The following CDC42BPA variants were observed in gnomAD, a reference collection of about 807,000 sequenced individuals.
CDC42BPA encodes serine/threonine-protein kinase MRCK alpha.
CDC42BPA carries 80 observed loss-of-function variants against 223.5 expected under a neutral mutation model. The observed-to-expected ratio is 0.36, with a 90% CI of 0.30 to 0.43. CDC42BPA has a LOEUF of 0.43. Ranked by LOEUF, CDC42BPA falls within the 20% of genes least tolerant of loss-of-function variation. The probability of loss-of-function intolerance (pLI) is 1.00; values close to 1 mark genes in which losing one functional copy is unlikely to be tolerated. For missense variants in CDC42BPA, 1,743 were observed against 2,099.9 expected (o/e 0.83, Z 3.32); for synonymous variants, 694 against 718.6 (o/e 0.97, Z 0.55).
chr1:227,272,690 G>A (rs1258341074), intron 1 of CDC42BPA, among the ~76,000 whole-genome samples: 2 of 152,126 alleles, frequency 1.3e-5, no homozygotes, highest in African/African-American at 4.8e-5. Context: ...CTAATAGCTA[G>A]TATTACAGAT....
Position 227,030,448 on chromosome 1 carries a change from TCC to T in CDC42BPA, c.3796_3797del (p.Gly1266LysfsTer14). The T allele has an allele frequency of 6.2e-7, 1 of 1,602,586 alleles. No homozygotes were observed. The highest frequency in any genetic ancestry group is 8.5e-7 in the Non-Finnish European group (1 of 1,175,026). On this transcript the variant is annotated frameshift_variant, in exon 29 of 37. Coordinates refer to ENST00000366766, the MANE Select transcript of CDC42BPA (RefSeq NM_001394014.1). LOFTEE classifies it high-confidence loss of function. ...AIIDHERIAL[G>X]NEEGLFVVHV... ...GTACAACAAATAACCCTTCTTCGTT[TCC>T]CAAAGCAATTCTTTCATGATCTATG...
At chr1:227,083,652 A>G (rs1157817407) in intron 16 of CDC42BPA, among the ~76,000 whole-genome samples, 13 of 152,292 alleles carry the variant, frequency 8.5e-5, no homozygotes, top group Admixed American at 3.9e-4. Context: ...TCGTGTATAC[A>G]AACTTTAGAT....
At chr1:227,312,463 G>A (rs1472998489) in intron 1 of CDC42BPA, among the ~76,000 whole-genome samples, 2 of 152,080 alleles carry the variant, frequency 1.3e-5, no homozygotes, top group East Asian at 3.8e-4. Context: ...GCTATACTAA[G>A]GTATGCCTTA....
At chr1:227,257,033 G>T (rs1683197205) in intron 1 of CDC42BPA, among the ~76,000 whole-genome samples, 1 of 150,640 alleles carries the variant, frequency 6.6e-6, no homozygotes, top group Non-Finnish European at 1.5e-5. Context: ...GGTCTGATAC[G>T]TGCTATAATG....
At chr1:227,001,009 G>T (rs1662709479) in intron 35 of CDC42BPA, among the ~76,000 whole-genome samples, 1 of 152,142 alleles carries the variant, frequency 6.6e-6, no homozygotes, top group Non-Finnish European at 1.5e-5. Context: ...CTTCCAGGAG[G>T]GTCTGGGAGG....
At chr1:227,143,223 A>G (rs1309869611) in intron 8 of CDC42BPA, among the ~76,000 whole-genome samples, 199 bp from the exon 9 acceptor site, 1 of 152,220 alleles carries the variant, frequency 6.6e-6, no homozygotes, top group African/African-American at 2.4e-5. Context: ...TTCTAATTAA[A>G]GTAAAATGAA....
chr1:227,064,514 T>C (rs1406007395), intron 21 of CDC42BPA, among the ~76,000 whole-genome samples: 1 of 152,032 alleles, frequency 6.6e-6, no homozygotes, highest in Non-Finnish European at 1.5e-5. Context: ...TCTGTTACTA[T>C]TGGGATGAAG....
chr1:227,310,685 T>C (rs182969187), intron 1 of CDC42BPA, among the ~76,000 whole-genome samples: 1 of 138,052 alleles, frequency 7.2e-6, no homozygotes, highest in Admixed American at 7.4e-5. Flanking sequence ...TTTTTTTTTT[T>C]GTTTTTTGTT....
intron 5 of CDC42BPA, among the ~76,000 whole-genome samples, chr1:227,163,731 TAA>T (rs11314121): frequency 1.0e-3 from 145 of 140,438 alleles, no homozygotes; most frequent in Non-Finnish European, 1.3e-3. Context: ...TTCTTATTTG[TAA>T]AAAAAAAAAA....
rs1234450490 is a variant in CDC42BPA, at chr1:226,994,473, C to T, written c.5134-74G>A. 4.9e-6 allele frequency: 7 copies of T among 1,438,550 alleles called. No individual in the cohort carries two copies. The highest frequency in any genetic ancestry group is 4.5e-5 in the South Asian group (3 of 66,890). The allele number at this position is 1,438,550 out of a possible 1,614,324, so 89.1% of individuals were successfully genotyped here. ...AGGCAGAAGGGGCTCAGATTACCAC[C>T]GCCCCCTCCAGCCACCCTGACCAAA... On this transcript the variant is annotated intron_variant, in intron 36 of 36. Coordinates refer to ENST00000366766, the MANE Select transcript of CDC42BPA (RefSeq NM_001394014.1). This position sits in a 1 kb window ranked among gnomAD's most constrained non-coding sequence, Gnocchi z 4.0.
chr1:227,013,883 AACT>A (rs561513332), intron 34 of CDC42BPA, among the ~76,000 whole-genome samples: 6 of 152,118 alleles, frequency 3.9e-5, no homozygotes, highest in Non-Finnish European at 7.4e-5. Context: ...GTATTGAAAA[AACT>A]ACTAACTCAA....
chr1:227,066,113 G>A (rs1166597542), intron 21 of CDC42BPA, among the ~76,000 whole-genome samples: 5 of 152,100 alleles, frequency 3.3e-5, no homozygotes, highest in Admixed American at 6.5e-5. Flanking sequence ...AAGTGCAGCC[G>A]GGCGTGGTGG....
chr1:227,085,135 T>G (rs188216834), intron 16 of CDC42BPA, among the ~76,000 whole-genome samples: 1 of 152,040 alleles, frequency 6.6e-6, no homozygotes, highest in Non-Finnish European at 1.5e-5. Context: ...TATAATCACT[T>G]GAGCCAATTC....
rs1669951631 is a variant in CDC42BPA at position 227,034,898 on chromosome 1, C to T, written c.3337-104G>A. 1.6e-5 allele frequency: 16 copies of T among 1,029,704 alleles called. No individual in the cohort carries two copies. The South Asian group carries it at 2.4e-4, about 16-fold the overall frequency. 63.8% of individuals were successfully genotyped at this position (1,029,704 alleles called of 1,614,324 possible). A position where few individuals can be genotyped will look rare whatever the true frequency, so the allele number is the denominator to read the frequency against. ...GGTGAAGACCTACAGATAATGTACACGTTTTATAAGTCTGCCATTCTGGTT... is the reference window on the plus strand; with the variant it reads ...GGTGAAGACCTACAGATAATGTACATGTTTTATAAGTCTGCCATTCTGGTT... On this transcript the variant is annotated intron_variant, in intron 25 of 36. Transcript: ENST00000366766.
chr1:227,292,928 T>A (rs1246357704), intron 1 of CDC42BPA, among the ~76,000 whole-genome samples: 1 of 152,162 alleles, frequency 6.6e-6, no homozygotes, highest in East Asian at 1.9e-4. Flanking sequence ...AAATACTTCA[T>A]CTCTAAATTG....
intron 1 of CDC42BPA, among the ~76,000 whole-genome samples, chr1:227,309,606 T>A (rs1693173353): frequency 6.6e-6 from 1 of 152,236 alleles, no homozygotes; most frequent in Non-Finnish European, 1.5e-5. Context: ...GAGTCCATGA[T>A]ATTTTCCTCT....
intron 2 of CDC42BPA, among the ~76,000 whole-genome samples, chr1:227,247,775 A>T (rs1328035325): frequency 1.3e-5 from 2 of 152,118 alleles, no homozygotes; most frequent in Non-Finnish European, 1.5e-5. Context: ...CCAGCTACTC[A>T]GGAGGCTGAA....
chr1:227,036,324 C>A (rs1670214847), intron 24 of CDC42BPA, among the ~76,000 whole-genome samples: 1 of 151,326 alleles, frequency 6.6e-6, no homozygotes, highest in Admixed American at 6.6e-5. Context: ...GAAGGTCTTG[C>A]TATGTTGCCC....
At chr1:227,116,245 T>C (rs1687759513) in intron 12 of CDC42BPA, among the ~76,000 whole-genome samples, 1 of 152,218 alleles carries the variant, frequency 6.6e-6, no homozygotes, top group Admixed American at 6.5e-5. Flanking sequence ...AATATAACAG[T>C]GGCTTAATAT....
Sources: allele counts gnomAD v4.1 joint callset (sites outside exome capture counted in the v4.1 genomes callset), GRCh38; gene constraint gnomAD v4.1.1; non-coding constraint Gnocchi (gnomAD v3.1); transcripts MANE v1.5; gene names NCBI Gene and HGNC (gene_info 2026-07-23, HGNC 2026-07-21).